Variants in MDGA2 observed in about 807,000 individuals in gnomAD.
MDGA2 encodes the protein MAM domain containing glycosylphosphatidylinositol anchor 2.
MDGA2 carries 40 observed loss-of-function variants against 117.8 expected under a neutral mutation model. The ratio of observed to expected loss-of-function variants is 0.34; its 90% CI spans 0.26 to 0.44. MDGA2 has a LOEUF of 0.44. Ranked by LOEUF, MDGA2 falls within the 20% of genes least tolerant of loss-of-function variation. The pLI, the probability that MDGA2 is intolerant of heterozygous loss-of-function variation, is 1.00. For synonymous variants in MDGA2, 452 were observed against 439.0 expected (o/e 1.03, Z -0.37); for missense variants, 1,123 against 1,250.6 (o/e 0.90, Z 1.54).
intron 4 of MDGA2, among the ~76,000 whole-genome samples, chr14:47,133,691 AT>A (rs1882318118): frequency 6.6e-6 from 1 of 151,954 alleles, no homozygotes; most frequent in Admixed American, 6.6e-5. Flanking sequence ...AACTCAACAT[AT>A]CCTAAATTGA....
At chr14:47,283,905 A>G (rs1888584708) in intron 2 of MDGA2, among the ~76,000 whole-genome samples, 1 of 152,190 alleles carries the variant, frequency 6.6e-6, no homozygotes, top group Non-Finnish European at 1.5e-5. Flanking sequence ...AGATCATTTC[A>G]ATCTACAAAG....
intron 14 of MDGA2, among the ~76,000 whole-genome samples, chr14:46,859,937 A>C (rs1157412973): frequency 6.6e-6 from 1 of 152,138 alleles, no homozygotes; most frequent in East Asian, 1.9e-4. Flanking sequence ...CTCAGAGGGT[A>C]GCCTTCTTAA....
intron 1 of MDGA2, among the ~76,000 whole-genome samples, chr14:47,504,948 T>G (rs970608780): frequency 6.6e-6 from 1 of 152,176 alleles, no homozygotes; most frequent in South Asian, 2.1e-4. Context: ...TCAACCTAGC[T>G]GTCCACCAAC....
At chr14:47,504,697 C>T (rs189423388) in intron 1 of MDGA2, among the ~76,000 whole-genome samples, 12 of 151,952 alleles carry the variant, frequency 7.9e-5, no homozygotes, top group South Asian at 6.2e-4. Flanking sequence ...AAAATGCAGG[C>T]GAGGATGTGT....
chr14:47,242,687 G>A (rs2139610841), intron 2 of MDGA2, among the ~76,000 whole-genome samples: 1 of 151,968 alleles, frequency 6.6e-6, no homozygotes, highest in Non-Finnish European at 1.5e-5. Context: ...CCGCAGGGCA[G>A]TGCTCGGGAC....
rs557791361 is a variant in MDGA2, at chr14:47,230,856, G to C, written c.421-12661C>G. 3.3e-5 allele frequency among the ~76,000 whole-genome samples: 5 copies of C among 151,916 alleles called. 1 individual carries two copies. The highest frequency in any genetic ancestry group is 1.2e-4 in the African/African-American group (5 of 41,516). ...TGTTCATGTAAGTAGCCCAATTTAG[G>C]ACCAATGAATCAGAGAGCATTAACA... On this transcript the variant is annotated intron_variant, in intron 2 of 16. Coordinates refer to ENST00000399232, the MANE Select transcript of MDGA2 (RefSeq NM_001113498.3).
chr14:47,623,460 C>G (rs931802340), intron 1 of MDGA2, among the ~76,000 whole-genome samples: 6 of 151,990 alleles, frequency 3.9e-5, no homozygotes, highest in Non-Finnish European at 8.8e-5. Flanking sequence ...AAAATTAGGT[C>G]ACATACAATA....
At chr14:47,113,842 A>T (rs1256703502) in intron 5 of MDGA2, among the ~76,000 whole-genome samples, 1 of 152,110 alleles carries the variant, frequency 6.6e-6, no homozygotes, top group East Asian at 1.9e-4. Context: ...CTTGAAAATC[A>T]GCACAAGACA....
Position 47,247,795 on chromosome 14 carries a change from A to AC in MDGA2, c.421-29601dup, listed in dbSNP as rs1386413206. 2.1e-4 allele frequency among the ~76,000 whole-genome samples: 32 copies of AC among 149,182 alleles called. 1 individual carries two copies. Among genetic ancestry groups the AC allele is most frequent in the African/African-American group, 7.7e-4 (31 of 40,488 alleles). On this transcript the variant is annotated intron_variant, in intron 2 of 16. Transcript: ENST00000399232. Reference sequence around the variant, plus strand: ...CTCCTAATACTAACCCTCTCCTAGCACCCCCCACTCCCTGATAGGCCCCGA... The same window carrying AC: ...CTCCTAATACTAACCCTCTCCTAGCACCCCCCCACTCCCTGATAGGCCCCGA...
At chr14:47,380,078 C>A (rs2138414724) in intron 1 of MDGA2, among the ~76,000 whole-genome samples, 1 of 152,300 alleles carries the variant, frequency 6.6e-6, no homozygotes, top group East Asian at 1.9e-4. Flanking sequence ...TCACTCAAAA[C>A]TGCTCAACTA....
intron 2 of MDGA2, among the ~76,000 whole-genome samples, chr14:47,257,527 T>C (rs1001875665): frequency 6.6e-6 from 1 of 152,128 alleles, no homozygotes; most frequent in Non-Finnish European, 1.5e-5. Flanking sequence ...CATCCCCTCA[T>C]TAGAATGTTC....
chr14:47,179,475 G>C (rs1376499915), intron 3 of MDGA2, among the ~76,000 whole-genome samples: 1 of 151,736 alleles, frequency 6.6e-6, no homozygotes, highest in Non-Finnish European at 1.5e-5. Context: ...GTGAAGACCT[G>C]ATATATCCAT....
At chr14:47,148,084 G>A (rs547042822) in intron 3 of MDGA2, among the ~76,000 whole-genome samples, 1 of 152,140 alleles carries the variant, frequency 6.6e-6, no homozygotes, top group South Asian at 2.1e-4. Flanking sequence ...CCTACCAACA[G>A]CCTCATATAG....
intron 3 of MDGA2, among the ~76,000 whole-genome samples, chr14:47,156,960 A>G (rs1459214541): frequency 6.6e-6 from 1 of 152,216 alleles, no homozygotes; most frequent in African/African-American, 2.4e-5. Flanking sequence ...TTATATGCAT[A>G]TGTCTGTCAA....
chr14:47,465,766 G>T (rs112645670), intron 1 of MDGA2, among the ~76,000 whole-genome samples: 5,905 of 152,164 alleles, frequency 0.039, 380 homozygotes, highest in African/African-American at 0.13. Flanking sequence ...TGTAAAGCAG[G>T]ATGGCGATTT....
At chr14:47,022,175 C>G (rs1888310462) in intron 8 of MDGA2, among the ~76,000 whole-genome samples, 1 of 152,108 alleles carries the variant, frequency 6.6e-6, no homozygotes. Flanking sequence ...GCCCTGACCT[C>G]CACAGGCTCA....
chr14:47,375,729 T>C (rs1330824364), intron 1 of MDGA2, among the ~76,000 whole-genome samples: 1 of 152,142 alleles, frequency 6.6e-6, no homozygotes. Flanking sequence ...TACCATTTTC[T>C]AACCTCTAGA....
At chr14:46,889,213 CT>C (rs1157904144) in intron 10 of MDGA2, among the ~76,000 whole-genome samples, 1 of 151,958 alleles carries the variant, frequency 6.6e-6, no homozygotes, top group Non-Finnish European at 1.5e-5. Context: ...AATTATATAA[CT>C]TTTCTTCTTT....
intron 9 of MDGA2, among the ~76,000 whole-genome samples, chr14:46,946,993 C>A (rs550908949): frequency 2.6e-5 from 4 of 152,184 alleles, no homozygotes; most frequent in Admixed American, 1.3e-4. Context: ...ATATTTTAAA[C>A]ATTACTTGTT....
Sources: allele counts gnomAD v4.1 joint callset (sites outside exome capture counted in the v4.1 genomes callset), GRCh38; gene constraint gnomAD v4.1.1; transcripts MANE v1.5; gene names NCBI Gene and HGNC (gene_info 2026-07-23, HGNC 2026-07-21).